The following CLEC16A variants were observed in gnomAD, a reference collection of about 807,000 sequenced individuals.
CLEC16A encodes the protein protein CLEC16A.
In CLEC16A, 51 loss-of-function variants were observed where a neutral mutation model predicts 109.5. The ratio of observed to expected loss-of-function variants is 0.47; its 90% CI spans 0.37 to 0.59. CLEC16A has a LOEUF of 0.59. Ranked by LOEUF, CLEC16A falls within the 20% of genes least tolerant of loss-of-function variation. CLEC16A has a pLI of 0.00. For missense variants in CLEC16A, 1,339 were observed against 1,394.0 expected, an observed-to-expected ratio of 0.96 and a Z score of 0.63; for synonymous variants, 673 against 564.2, an observed-to-expected ratio of 1.19 and a Z score of -2.73.
At chr16:11,156,422 C>T (rs191832573) in intron 22 of CLEC16A, among the ~76,000 whole-genome samples, 1 of 151,444 alleles carries the variant, frequency 6.6e-6, no homozygotes, top group East Asian at 1.9e-4. Context: ...CCAGCCAGAA[C>T]CTTGGGGGGC....
chr16:10,960,643 T>C (rs1596753986), intron 2 of CLEC16A, among the ~76,000 whole-genome samples: 1 of 152,156 alleles, frequency 6.6e-6, no homozygotes, highest in Non-Finnish European at 1.5e-5. Context: ...CCCCACGTTT[T>C]CATGATGAGG....
intron 1 of CLEC16A, among the ~76,000 whole-genome samples, chr16:10,957,042 C>G (rs1380595304): frequency 6.6e-6 from 1 of 152,158 alleles, no homozygotes; most frequent in Non-Finnish European, 1.5e-5. Context: ...GGTGATCCAC[C>G]CACCTTGGCC....
intron 23 of CLEC16A, among the ~76,000 whole-genome samples, chr16:11,171,606 T>C (rs889562659): frequency 6.6e-6 from 1 of 152,180 alleles, no homozygotes; most frequent in Non-Finnish European, 1.5e-5. Flanking sequence ...GGAATCAGCA[T>C]TTTTTCCCCT....
At chr16:10,985,220 A>AAAAT (rs1555526163) in intron 10 of CLEC16A, among the ~76,000 whole-genome samples, 2 of 104,088 alleles carry the variant, frequency 1.9e-5, no homozygotes, top group Admixed American at 1.1e-4. Flanking sequence ...AAAAAAAAAA[A>AAAAT]ATATATATAT....
At chr16:11,042,105 G>A (rs1210439374) in intron 14 of CLEC16A, 149 bp from the exon 15 acceptor site, 2 of 604,410 alleles carry the variant, frequency 3.3e-6, no homozygotes, top group East Asian at 2.8e-5. Flanking sequence ...GGGCATGGGG[G>A]GTTCCCACTG....
intron 3 of CLEC16A, among the ~76,000 whole-genome samples, chr16:10,966,597 T>G (rs531965259): frequency 4.6e-5 from 7 of 152,288 alleles, no homozygotes; most frequent in African/African-American, 1.7e-4. Context: ...GAGGTTTCAT[T>G]GACTTACAGC....
At chr16:11,004,614 A>G (rs2044878821) in intron 11 of CLEC16A, among the ~76,000 whole-genome samples, 1 of 151,890 alleles carries the variant, frequency 6.6e-6, no homozygotes, top group Admixed American at 6.6e-5. Context: ...AGTGACTGGG[A>G]GCTCATTTGC....
chr16:11,123,250 G>A (rs8060411), intron 20 of CLEC16A, among the ~76,000 whole-genome samples: 1 of 151,990 alleles, frequency 6.6e-6, no homozygotes, highest in East Asian at 1.9e-4. Context: ...CCAGAAGTTT[G>A]TCAAAGACAT....
At chr16:11,130,201 C>T (rs1460151243) in intron 22 of CLEC16A, among the ~76,000 whole-genome samples, 1 of 152,218 alleles carries the variant, frequency 6.6e-6, no homozygotes, top group African/African-American at 2.4e-5. Flanking sequence ...CATCTCAGCG[C>T]CTAGCTCTGT....
At position 11,112,724 on chromosome 16, in the gene CLEC16A, C is replaced by T. The variant is rs761468875; in HGVS notation, c.2117-7891C>T. Among the ~76,000 whole-genome samples, 4 of 152,240 alleles carry T rather than the reference C, an allele frequency of 2.6e-5. No homozygotes were observed. The South Asian group carries it at 8.3e-4, about 32-fold the overall frequency. On this transcript the variant is annotated intron_variant, in intron 19 of 23. Coordinates refer to ENST00000409790, the MANE Select transcript of CLEC16A (RefSeq NM_015226.3). ...GACATGCAGCAAATTTTCTCCCCTC[C>T]CCAAAGAAAAATAAAAGGTAGTGCC...
At chr16:11,102,465 T>A (rs985925092) in intron 19 of CLEC16A, among the ~76,000 whole-genome samples, 1 of 152,256 alleles carries the variant, frequency 6.6e-6, no homozygotes, top group African/African-American at 2.4e-5. Flanking sequence ...TCCCACAAGC[T>A]AATTAAAAAT....
At chr16:11,122,762 T>C (rs1386122982) in intron 20 of CLEC16A, among the ~76,000 whole-genome samples, 2 of 152,208 alleles carry the variant, frequency 1.3e-5, no homozygotes, top group East Asian at 1.9e-4. Flanking sequence ...TGGGAGTAGA[T>C]TGTCTATGCA....
intron 22 of CLEC16A, among the ~76,000 whole-genome samples, chr16:11,158,183 A>AT (rs894827129): frequency 2.8e-4 from 42 of 151,660 alleles, no homozygotes; most frequent in East Asian, 9.7e-4. Context: ...GGGCCGATTG[A>AT]TTTTTTTTTA....
At chr16:11,119,063 G>A (rs1431480618) in intron 19 of CLEC16A, among the ~76,000 whole-genome samples, 1 of 152,172 alleles carries the variant, frequency 6.6e-6, no homozygotes, top group South Asian at 2.1e-4. Flanking sequence ...GTGCTGTGGT[G>A]CGATCTTGGC....
chr16:11,174,288 CCT>C lies in CLEC16A; in HGVS notation c.2807-4046_2807-4045del, dbSNP rs1232901387. On this transcript the variant is annotated intron_variant, in intron 23 of 23. Transcript: ENST00000409790. This position sits in a 1 kb window ranked among gnomAD's most constrained non-coding sequence, Gnocchi z 4.7. ...GCACAGTCAATTCAGGCAGGTCTCC[CCT>C]GTGAGCCGCTCGGGCCGCGACGTCC... is the stretch of plus-strand genomic sequence containing the variant. The C allele has an allele frequency of 2.2e-6, 1 of 454,408 alleles. No homozygotes were observed. The highest frequency in any genetic ancestry group is 4.5e-6 in the Non-Finnish European group (1 of 220,988). 28.1% of individuals were successfully genotyped at this position (454,408 alleles called of 1,614,324 possible).
At chr16:10,998,558 G>A (rs1370178701) in intron 10 of CLEC16A, among the ~76,000 whole-genome samples, 1 of 152,152 alleles carries the variant, frequency 6.6e-6, no homozygotes, top group African/African-American at 2.4e-5. Flanking sequence ...CTCTGAAGTG[G>A]GCTTTTCCAC....
At chr16:11,019,001 G>A (rs961033003) in intron 11 of CLEC16A, among the ~76,000 whole-genome samples, 1 of 152,180 alleles carries the variant, frequency 6.6e-6, no homozygotes, top group African/African-American at 2.4e-5. Context: ...ACATTAGGGT[G>A]GCAGAAGAGG....
intron 19 of CLEC16A, among the ~76,000 whole-genome samples, chr16:11,083,079 A>G (rs137971406): frequency 6.6e-6 from 1 of 152,328 alleles, no homozygotes; most frequent in East Asian, 1.9e-4. Context: ...TTGCTTAGTA[A>G]GAGCTGCCCC....
At chr16:11,013,445 A>G (rs1382038633) in intron 11 of CLEC16A, among the ~76,000 whole-genome samples, 3 of 152,106 alleles carry the variant, frequency 2.0e-5, no homozygotes, top group African/African-American at 7.2e-5. Context: ...CCTGGCCAAC[A>G]TGGTGAAACC....
Sources: allele counts gnomAD v4.1 joint callset (sites outside exome capture counted in the v4.1 genomes callset), GRCh38; gene constraint gnomAD v4.1.1; non-coding constraint Gnocchi (gnomAD v3.1); transcripts MANE v1.5; gene names NCBI Gene and HGNC (gene_info 2026-07-23, HGNC 2026-07-21).